Variants in PPP1R9A observed in about 807,000 individuals in gnomAD.
PPP1R9A encodes the protein neurabin-1.
PPP1R9A carries 59 observed loss-of-function variants against 141.9 expected under a neutral mutation model. The observed-to-expected ratio is 0.42, with a 90% CI of 0.34 to 0.52. The LOEUF (loss-of-function observed/expected upper bound fraction) is 0.52. PPP1R9A is among the 20% of genes least tolerant of loss of function. The pLI, the probability that PPP1R9A is intolerant of heterozygous loss-of-function variation, is 0.10. For missense variants in PPP1R9A, 1,444 were observed against 1,611.9 expected (o/e 0.90, Z 1.78); for synonymous variants, 500 against 569.7 (o/e 0.88, Z 1.74).
intron 4 of PPP1R9A, among the ~76,000 whole-genome samples, chr7:95,136,063 G>C (rs955419803): frequency 2.0e-5 from 3 of 151,930 alleles, no homozygotes; most frequent in Admixed American, 2.0e-4. Flanking sequence ...TGGCAGGATT[G>C]CCATTTGTAG....
chr7:95,077,154 A>T lies in PPP1R9A; in HGVS notation c.1396-34105A>T, dbSNP rs141223099. Reference sequence around the variant, plus strand: ...TTTCCCTCAAATATCTGACTTCAGTAAGCAATGATTGTTATGAGATAAATG... The same window carrying T: ...TTTCCCTCAAATATCTGACTTCAGTTAGCAATGATTGTTATGAGATAAATG... On this transcript the variant is annotated intron_variant, in intron 2 of 19. Coordinates refer to ENST00000433360, the MANE Select transcript of PPP1R9A (RefSeq NM_001166160.2). Among the ~76,000 whole-genome samples the T allele has an allele frequency of 2.7e-3, 416 of 152,260 alleles. 6 individuals carry two copies. The highest frequency in any genetic ancestry group is 0.025 in the Admixed American group (379 of 15,302).
At chr7:95,056,168 A>G (rs1173790353) in intron 2 of PPP1R9A, among the ~76,000 whole-genome samples, 5 of 152,088 alleles carry the variant, frequency 3.3e-5, no homozygotes, top group African/African-American at 1.2e-4. Flanking sequence ...AAAGGCTGAC[A>G]TTTCTTATCA....
At chr7:94,952,922 G>A (rs1377682298) in intron 2 of PPP1R9A, among the ~76,000 whole-genome samples, 5 of 152,000 alleles carry the variant, frequency 3.3e-5, no homozygotes, top group African/African-American at 1.2e-4. Context: ...GTTCACTCTG[G>A]TGATAGTTCC....
chr7:95,242,274 C>G (rs1414054467), intron 8 of PPP1R9A, among the ~76,000 whole-genome samples: 2 of 152,074 alleles, frequency 1.3e-5, no homozygotes, highest in East Asian at 3.9e-4. Context: ...AAATTTAGAT[C>G]CCAATCTAGA....
chr7:95,209,604 T>C (rs1218075012), intron 7 of PPP1R9A, among the ~76,000 whole-genome samples: 3 of 152,180 alleles, frequency 2.0e-5, no homozygotes, highest in Non-Finnish European at 4.4e-5. Flanking sequence ...AGAAGGAGAT[T>C]GTAAGATTGA....
At chr7:95,091,826 CTT>C (rs144206416) in intron 2 of PPP1R9A, among the ~76,000 whole-genome samples, 64 of 137,676 alleles carry the variant, frequency 4.6e-4, no homozygotes, top group Middle Eastern at 3.7e-3. Flanking sequence ...GTTAATAATG[CTT>C]TTTTTTTTTT....
chr7:95,245,374 C>T (rs986124629), intron 8 of PPP1R9A, among the ~76,000 whole-genome samples: 1 of 152,108 alleles, frequency 6.6e-6, no homozygotes, highest in Non-Finnish European at 1.5e-5. Context: ...TGGATCAGAA[C>T]GAGAAGATCC....
chr7:94,960,879 A>G (rs973592626), intron 2 of PPP1R9A, among the ~76,000 whole-genome samples: 1 of 151,524 alleles, frequency 6.6e-6, no homozygotes, highest in African/African-American at 2.4e-5. Context: ...GTTTCTTTTC[A>G]TTTGCTTGTT....
At chr7:94,986,888 C>T (rs1800919422) in intron 2 of PPP1R9A, among the ~76,000 whole-genome samples, 1 of 152,110 alleles carries the variant, frequency 6.6e-6, no homozygotes. Context: ...TGGCTTATGC[C>T]AGATCTTTAA....
intron 2 of PPP1R9A, among the ~76,000 whole-genome samples, chr7:95,047,311 A>T (rs1325481642): frequency 6.6e-6 from 1 of 152,194 alleles, no homozygotes; most frequent in African/African-American, 2.4e-5. Context: ...TTTTTAGTTG[A>T]TGTGTACTAT....
chr7:95,117,392 C>T (rs923593996), intron 3 of PPP1R9A, among the ~76,000 whole-genome samples: 4 of 151,972 alleles, frequency 2.6e-5, no homozygotes, highest in Admixed American at 1.3e-4. Flanking sequence ...GGTCTCTGTG[C>T]GTTGATTGTG....
At position 95,294,908 on chromosome 7, in the gene PPP1R9A, CTG is replaced by C. The variant is rs371795326; in HGVS notation, c.*4608_*4609del. The C allele has an allele frequency of 7.2e-5, 11 of 152,322 alleles. No individual in the cohort carries two copies. Among genetic ancestry groups the C allele is most frequent in the African/African-American group, 2.4e-4 (10 of 41,188 alleles). The allele number at this position is 152,322 out of a possible 1,614,324, so 9.4% of individuals were successfully genotyped here. On this transcript the variant is annotated 3_prime_UTR_variant, in exon 20 of 20. Coordinates refer to ENST00000433360, the MANE Select transcript of PPP1R9A (RefSeq NM_001166160.2). ...TGTAAGCGTGTGGACCCAGCACAGTCTGTGACCTGATTCCAGATCCTCAAGAG... is the reference window on the plus strand; with the variant it reads ...TGTAAGCGTGTGGACCCAGCACAGTCTGACCTGATTCCAGATCCTCAAGAG...
intron 18 of PPP1R9A, chr7:95,287,072 A>G (rs1805486448): frequency 1.3e-6 from 2 of 1,590,096 alleles, no homozygotes; most frequent in Non-Finnish European, 1.7e-6. Flanking sequence ...TTTCTGTAAC[A>G]CTTTTCTTCT....
chr7:94,956,812 A>G (rs1267690424), intron 2 of PPP1R9A, among the ~76,000 whole-genome samples: 2 of 152,170 alleles, frequency 1.3e-5, no homozygotes, highest in Non-Finnish European at 2.9e-5. Context: ...CCCATAGTGC[A>G]TAGTCAGTCT....
intron 5 of PPP1R9A, among the ~76,000 whole-genome samples, chr7:95,197,300 A>G (rs898357595): frequency 3.9e-5 from 6 of 152,212 alleles, no homozygotes; most frequent in African/African-American, 1.2e-4. Context: ...GAAACATATT[A>G]GTGTGAAAAG....
At chr7:95,116,664 C>CA (rs1211682598) in intron 3 of PPP1R9A, among the ~76,000 whole-genome samples, 1 of 151,608 alleles carries the variant, frequency 6.6e-6, no homozygotes, top group Non-Finnish European at 1.5e-5. Flanking sequence ...AGGAGAATTG[C>CA]AAAAAACAGT....
At chr7:95,066,070 C>T (rs1812899489) in intron 2 of PPP1R9A, among the ~76,000 whole-genome samples, 1 of 152,176 alleles carries the variant, frequency 6.6e-6, no homozygotes, top group Non-Finnish European at 1.5e-5. Context: ...CAAACCCCAG[C>T]ACCTCAGAAT....
chr7:95,265,034 C>G (rs550274993), intron 12 of PPP1R9A, among the ~76,000 whole-genome samples: 3 of 152,118 alleles, frequency 2.0e-5, no homozygotes, highest in Non-Finnish European at 2.9e-5. Flanking sequence ...TTGGATTTCC[C>G]CTGCCACACT....
chr7:94,973,276 A>G (rs922920027), intron 2 of PPP1R9A, among the ~76,000 whole-genome samples: 2 of 152,200 alleles, frequency 1.3e-5, no homozygotes, highest in Admixed American at 1.3e-4. Context: ...TATAAACTAG[A>G]GTTGAAAAGG....
Sources: gnomAD v4.1 joint callset for allele counts (sites outside exome capture counted in the v4.1 genomes callset) on GRCh38, gnomAD v4.1.1 for gene constraint, MANE v1.5 for transcripts, NCBI Gene and HGNC (gene_info 2026-07-23, HGNC 2026-07-21) for gene names.